Variants in FGF10 observed in about 807,000 individuals in gnomAD.
FGF10 encodes the protein FGF-10.
FGF10 carries 2 observed loss-of-function variants against 19.8 expected under a neutral mutation model. That is an observed-to-expected ratio of 0.10 (90% CI 0.04 to 0.32). The LOEUF is 0.32. FGF10 is among the 10% of genes least tolerant of loss of function. The pLI, the probability that FGF10 is intolerant of heterozygous loss-of-function variation, is 1.00. For synonymous variants in FGF10, 112 were observed against 94.0 expected (o/e 1.19, Z -1.10); for missense variants, 191 against 246.3 (o/e 0.78, Z 1.50).
intron 1 of FGF10, among the ~76,000 whole-genome samples, chr5:44,345,178 T>C (rs1417884064): frequency 6.6e-6 from 1 of 151,846 alleles, no homozygotes; most frequent in East Asian, 1.9e-4. Flanking sequence ...GTCTGCAAAA[T>C]ATCTTGACCT....
chr5:44,331,803 CGA>C (rs1740741734), intron 1 of FGF10, among the ~76,000 whole-genome samples: 1 of 151,756 alleles, frequency 6.6e-6, no homozygotes, highest in African/African-American at 2.4e-5. Context: ...CAAAGATCAT[CGA>C]GAGCAGAAAT....
At chr5:44,343,879 T>C (rs778110721) in intron 1 of FGF10, among the ~76,000 whole-genome samples, 3 of 151,946 alleles carry the variant, frequency 2.0e-5, no homozygotes, top group Non-Finnish European at 4.4e-5. Flanking sequence ...AGTGAGTCAA[T>C]TTGCAGGAAA....
chr5:44,376,501 AAAAAAAAAAAAAAAAAC>A (rs1482044887), intron 1 of FGF10, among the ~76,000 whole-genome samples: 3 of 112,462 alleles, frequency 2.7e-5, no homozygotes, highest in Admixed American at 8.9e-5. Context: ...AAAAAAAAAA[AAAAAAAAAAAAAAAAAC>A]AAAAAACCCA....
At chr5:44,369,737 T>C (rs940794914) in intron 1 of FGF10, among the ~76,000 whole-genome samples, 3 of 152,130 alleles carry the variant, frequency 2.0e-5, no homozygotes, top group Non-Finnish European at 4.4e-5. Flanking sequence ...ACAGGGAGCA[T>C]TTAAACTTAA....
intron 1 of FGF10, among the ~76,000 whole-genome samples, chr5:44,367,841 C>T (rs1381794116): frequency 8.2e-5 from 2 of 24,480 alleles, no homozygotes; most frequent in African/African-American, 1.1e-4. Flanking sequence ...ATTTTGTATG[C>T]TGTTTTTTTT....
At chr5:44,324,813 T>C (rs934267102) in intron 1 of FGF10, among the ~76,000 whole-genome samples, 1 of 152,196 alleles carries the variant, frequency 6.6e-6, no homozygotes, top group African/African-American at 2.4e-5. Flanking sequence ...GTTGACTTTT[T>C]CAAGTCAGAT....
At chr5:44,319,724 G>T (rs561958765) in intron 1 of FGF10, among the ~76,000 whole-genome samples, 1 of 152,274 alleles carries the variant, frequency 6.6e-6, no homozygotes, top group Non-Finnish European at 1.5e-5. Context: ...ATATTCCACT[G>T]TGTGGTATGT....
chr5:44,381,408 T>C (rs1332693735), intron 1 of FGF10, among the ~76,000 whole-genome samples: 1 of 152,018 alleles, frequency 6.6e-6, no homozygotes, highest in Non-Finnish European at 1.5e-5. Flanking sequence ...CAAGTAATAC[T>C]AATGAATGAC....
chr5:44,323,252 C>A (rs1251208689), intron 1 of FGF10, among the ~76,000 whole-genome samples: 1 of 152,172 alleles, frequency 6.6e-6, no homozygotes, highest in African/African-American at 2.4e-5. Context: ...CACATCATTT[C>A]TGACTACTAA....
intron 1 of FGF10, among the ~76,000 whole-genome samples, chr5:44,376,493 A>AAAAAAAAAAAAAAC: frequency 9.4e-6 from 1 of 105,928 alleles, no homozygotes; most frequent in South Asian, 3.0e-4. Flanking sequence ...CAAATGCCAA[A>AAAAAAAAAAAAAAC]AAAAAAAAAA....
rs1047672970 is a variant in FGF10 at position 44,302,967 on chromosome 5, GA to G, written c.*2027del. Among the ~76,000 whole-genome samples, 13 of 151,930 alleles carry G rather than the reference GA, an allele frequency of 8.6e-5. No individual in the cohort carries two copies. The Middle Eastern group carries it at 0.01, about 119-fold the overall frequency. ...GTGCAATTATTATTTTAAAATAAAGGAAAAAAAGATACCTAGTTTTGATAGG... is the reference window on the plus strand; with the variant it reads ...GTGCAATTATTATTTTAAAATAAAGGAAAAAAGATACCTAGTTTTGATAGG... On this transcript the variant is annotated 3_prime_UTR_variant, in exon 3 of 3. Transcript: ENST00000264664.
chr5:44,333,034 A>G (rs1011783194), intron 1 of FGF10, among the ~76,000 whole-genome samples: 6 of 152,134 alleles, frequency 3.9e-5, no homozygotes, highest in African/African-American at 1.4e-4. Flanking sequence ...TATATGCATT[A>G]GGACTTACAT....
chr5:44,376,515 A>AC (rs1561219529), intron 1 of FGF10, among the ~76,000 whole-genome samples: 28 of 131,858 alleles, frequency 2.1e-4, no homozygotes, highest in African/African-American at 8.3e-4. Context: ...AAAAAAAAAA[A>AC]AACAAAAAAC....
At chr5:44,312,102 A>C (rs1168443383) in intron 1 of FGF10, among the ~76,000 whole-genome samples, 1 of 152,000 alleles carries the variant, frequency 6.6e-6, no homozygotes, top group Non-Finnish European at 1.5e-5. Flanking sequence ...CTCTATTTGC[A>C]AGCCAAAACC....
chr5:44,357,327 C>T (rs1041724044), intron 1 of FGF10, among the ~76,000 whole-genome samples: 2 of 151,348 alleles, frequency 1.3e-5, no homozygotes, highest in Non-Finnish European at 3.0e-5. Flanking sequence ...CAGTGTTGGG[C>T]TAAGAGCAAG....
intron 1 of FGF10, among the ~76,000 whole-genome samples, chr5:44,360,650 T>C (rs1741459687): frequency 6.6e-6 from 1 of 151,668 alleles, no homozygotes; most frequent in African/African-American, 2.4e-5. Context: ...TAGGTACTTA[T>C]CAGAATACTA....
At chr5:44,329,269 C>T (rs1326515381) in intron 1 of FGF10, among the ~76,000 whole-genome samples, 6 of 152,180 alleles carry the variant, frequency 3.9e-5, no homozygotes, top group African/African-American at 7.2e-5. Context: ...CTCTGCCTCC[C>T]GAGTTCAAGT....
chr5:44,314,911 T>C (rs1740300698), intron 1 of FGF10, among the ~76,000 whole-genome samples: 1 of 152,124 alleles, frequency 6.6e-6, no homozygotes, highest in Non-Finnish European at 1.5e-5. Flanking sequence ...AAATAAAACT[T>C]GTATTTAATA....
intron 1 of FGF10, among the ~76,000 whole-genome samples, chr5:44,358,914 T>TTAA (rs1434987951): frequency 6.6e-6 from 1 of 151,532 alleles, no homozygotes; most frequent in Non-Finnish European, 1.5e-5. Flanking sequence ...AATTAGATAA[T>TTAA]TAATAGGATT....
Sources: allele counts gnomAD v4.1 joint callset (sites outside exome capture counted in the v4.1 genomes callset), GRCh38; gene constraint gnomAD v4.1.1; transcripts MANE v1.5; gene names NCBI Gene and HGNC (gene_info 2026-07-23, HGNC 2026-07-21).